The following TTC38 variants were observed in gnomAD, a reference collection of about 807,000 sequenced individuals.
The protein encoded by TTC38 is tetratricopeptide repeat protein 38.
In TTC38, 64 loss-of-function variants were observed where a neutral mutation model predicts 64.2. The observed-to-expected ratio is 1.00, with a 90% CI of 0.81 to 1.23. TTC38 has a LOEUF of 1.23. Ranked by LOEUF, TTC38 falls within the 50% of genes most tolerant of loss-of-function variation. The probability of loss-of-function intolerance (pLI) is 0.00; values close to 1 mark genes in which losing one functional copy is unlikely to be tolerated. For synonymous variants in TTC38, 254 were observed against 249.3 expected (o/e 1.02, Z -0.18); for missense variants, 573 against 615.5 (o/e 0.93, Z 0.73).
chr22:46,292,782 T>C lies in TTC38; in HGVS notation c.1317-9T>C. On this transcript the variant is annotated splice_polypyrimidine_tract_variant and intron_variant, in intron 13 of 13. Transcript: ENST00000381031. The surrounding 1 kb of genome is among the most constrained non-coding windows in gnomAD (Gnocchi z 6.5). ...TTCTGTAACAGGACCTCTGTGTCTG[T>C]TTCCACAGGAGCCTTCTGATGGAGC... The C allele has an allele frequency of 6.2e-7, 1 of 1,612,780 alleles. No homozygotes were observed. The highest frequency in any genetic ancestry group is 1.1e-5 in the South Asian group (1 of 91,056).
Position 46,285,189 on chromosome 22 carries a change from C to A in TTC38, c.796-52C>A, listed in dbSNP as rs2077562724. ...TGGCCGTTCTCAGTTCACGTGCCAGCATTACACTTTGCCTTCTCCAGGGTT... is the reference window on the plus strand; with the variant it reads ...TGGCCGTTCTCAGTTCACGTGCCAGAATTACACTTTGCCTTCTCCAGGGTT... On this transcript the variant is annotated intron_variant, in intron 8 of 13. Transcript: ENST00000381031. 5 of 1,556,768 alleles carry A rather than the reference C, an allele frequency of 3.2e-6. No individual in the cohort carries two copies. In the Admixed American group the frequency reaches 5.0e-5, roughly 16 times the overall value.
intron 6 of TTC38, among the ~76,000 whole-genome samples, chr22:46,278,968 A>G (rs374018969): frequency 2.0e-5 from 3 of 152,312 alleles, no homozygotes; most frequent in East Asian, 3.9e-4. Flanking sequence ...GTTGCACAGA[A>G]TGGCAGGTCT....
At chr22:46,287,008 G>A (rs2077575993) in intron 9 of TTC38, 65 bp from the exon 10 acceptor site, 2 of 1,343,038 alleles carry the variant, frequency 1.5e-6, no homozygotes, top group Non-Finnish European at 2.1e-6. Context: ...GCTGACCCTG[G>A]CTGTGCCTGC....
Position 46,274,165 on chromosome 22 carries a change from G to T in TTC38, c.365+96G>T. Reference sequence around the variant, plus strand: ...CCTGATGCCCTTGGGACGGGGGCGGGGTGGGAGAATGCTTCTCTCCCTGCC... The same window carrying T: ...CCTGATGCCCTTGGGACGGGGGCGGTGTGGGAGAATGCTTCTCTCCCTGCC... On this transcript the variant is annotated intron_variant, in intron 4 of 13. Transcript: ENST00000381031. This position sits in a 1 kb window ranked among gnomAD's most constrained non-coding sequence, Gnocchi z 4.8. 2 of 888,080 alleles carry T rather than the reference G, an allele frequency of 2.3e-6. No homozygotes were observed. Among genetic ancestry groups the T allele is most frequent in the South Asian group, 3.1e-5 (2 of 64,848 alleles). The allele number at this position is 888,080 out of a possible 1,614,324, so 55.0% of individuals were successfully genotyped here.
Position 46,271,386 on chromosome 22 carries a change from G to C in TTC38, c.112-949G>C, listed in dbSNP as rs1374359652. 6.6e-6 allele frequency among the ~76,000 whole-genome samples: 1 copy of C among 151,970 alleles called. No homozygotes were observed. Among genetic ancestry groups the C allele is most frequent in the East Asian group, 1.9e-4 (1 of 5,160 alleles). ...CACCACCACACCCGGCTGATTTTTT[G>C]TATCTTTAGTAGAGACGGGGGTTTC... On this transcript the variant is annotated intron_variant, in intron 2 of 13. Transcript: ENST00000381031. This position sits in a 1 kb window ranked among gnomAD's most constrained non-coding sequence, Gnocchi z 5.5.
chr22:46,276,824 A>AATATATATATATTAAATATATATAT lies in TTC38; in HGVS notation c.539+1415_539+1416insTAAATATATATATATATATATATAT, dbSNP rs1555886902. On this transcript the variant is annotated intron_variant, in intron 5 of 13. Transcript: ENST00000381031. This position sits in a 1 kb window ranked among gnomAD's most constrained non-coding sequence, Gnocchi z 4.7. The stretch of plus-strand genomic sequence containing the variant: ...ATTATATATTAAAATATATATATTA[A>AATATATATATATTAAATATATATAT]ATATATATATATATATAAACATATA... Among the ~76,000 whole-genome samples, 141 of 139,514 alleles carry AATATATATATATTAAATATATATAT rather than the reference A, an allele frequency of 1.0e-3. No homozygotes were observed. The highest frequency in any genetic ancestry group is 3.6e-3 in the African/African-American group (130 of 36,150). 91.5% of individuals were successfully genotyped at this position (139,514 alleles called of 152,430 possible).
At position 46,268,089 on chromosome 22, in the gene TTC38, C is replaced by A. The variant is rs990969464; in HGVS notation, c.33+17C>A. The A allele has an allele frequency of 1.3e-6, 2 of 1,538,420 alleles. No individual in the cohort carries two copies. The highest frequency in any genetic ancestry group is 2.8e-5 in the African/African-American group (2 of 71,806). ...GACTGCCAGGTACACGGAGGCTGCC[C>A]CCAACCAGGTCCCCCTCGGGCCCCG... On this transcript the variant is annotated intron_variant, in intron 1 of 13. Coordinates refer to ENST00000381031, the MANE Select transcript of TTC38 (RefSeq NM_017931.4).
chr22:46,290,895 C>T (rs6007795), intron 13 of TTC38, among the ~76,000 whole-genome samples: 2 of 152,032 alleles, frequency 1.3e-5, no homozygotes, highest in Non-Finnish European at 2.9e-5. Context: ...ATGTCCCTGC[C>T]ACCCTCAGAC....
chr22:46,280,803 G>C (rs1745340651), intron 6 of TTC38, among the ~76,000 whole-genome samples: 1 of 152,240 alleles, frequency 6.6e-6, no homozygotes, highest in Admixed American at 6.5e-5. Context: ...AGGCAGTGGG[G>C]CTGGCGGGAA....
At position 46,276,803 on chromosome 22, in the gene TTC38, T is replaced by C. The variant is rs1268938511; in HGVS notation, c.539+1382T>C. On this transcript the variant is annotated intron_variant, in intron 5 of 13. Transcript: ENST00000381031. The surrounding 1 kb of genome is among the most constrained non-coding windows in gnomAD (Gnocchi z 4.7). ...ATATTAAAATATATATTAAAAATTA[T>C]ATATTAAAATATATATATTAAATAT... Among the ~76,000 whole-genome samples, 2 of 140,270 alleles carry C rather than the reference T, an allele frequency of 1.4e-5. No individual in the cohort carries two copies. Among genetic ancestry groups the C allele is most frequent in the African/African-American group, 5.6e-5 (2 of 35,942 alleles). The allele number at this position is 140,270 out of a possible 152,430, so 92.0% of individuals were successfully genotyped here. A position where few individuals can be genotyped will look rare whatever the true frequency, so the allele number is the denominator to read the frequency against.
At position 46,274,679 on chromosome 22, in the gene TTC38, TC is replaced by T. The variant is rs1936969277; in HGVS notation, c.366-567del. ...AGGTGTGGGTTCCACCTCAGAGACT[TC>T]CTGTGGCTGTCTCACGGTCTCCACT... On this transcript the variant is annotated intron_variant, in intron 4 of 13. Transcript: ENST00000381031. This position sits in a 1 kb window ranked among gnomAD's most constrained non-coding sequence, Gnocchi z 4.8. Among the ~76,000 whole-genome samples, 1 of 151,900 alleles carries T rather than the reference TC, an allele frequency of 6.6e-6. No homozygotes were observed. The highest frequency in any genetic ancestry group is 1.5e-5 in the Non-Finnish European group (1 of 68,016).
intron 2 of TTC38, chr22:46,268,980 C>T: frequency 2.9e-6 from 1 of 344,850 alleles, no homozygotes. Context: ...AGCCACCGCG[C>T]CCGGCCATGG....
In TTC38 at chr22:46,272,567, C is replaced by T; in HGVS notation, c.193+151C>T. 1 of 620,104 alleles carries T rather than the reference C, an allele frequency of 1.6e-6. No homozygotes were observed. The highest frequency in any genetic ancestry group is 2.9e-6 in the Non-Finnish European group (1 of 347,552). The allele number at this position is 620,104 out of a possible 1,614,324, so 38.4% of individuals were successfully genotyped here. ...TGCACAGAGGGAGAGAAGATGACAG[C>T]TGCCTTTGTGTCTGGAAAAACAGTC... is the stretch of plus-strand genomic sequence containing the variant. On this transcript the variant is annotated intron_variant, in intron 3 of 13. Coordinates refer to ENST00000381031, the MANE Select transcript of TTC38 (RefSeq NM_017931.4). The surrounding 1 kb of genome is among the most constrained non-coding windows in gnomAD (Gnocchi z 6.4).
In TTC38 at chr22:46,280,113, C is replaced by G. The variant is rs79718762; in HGVS notation, c.615+1452C>G. ...AACACCAGCACCCCACAGACAACTA[C>G]TGGGCAGGAAAAGCAGGCTGTGATG... On this transcript the variant is annotated intron_variant, in intron 6 of 13. Transcript: ENST00000381031. The G allele has an allele frequency of 4.0e-3, 1,878 of 471,186 alleles. 34 individuals carry two copies. Among genetic ancestry groups the G allele is most frequent in the African/African-American group, 0.034 (1,717 of 50,202 alleles). The allele number at this position is 471,186 out of a possible 1,614,324, so 29.2% of individuals were successfully genotyped here.
rs1410879843 is a variant in TTC38 at position 46,291,598 on chromosome 22, C to G, written c.1317-1193C>G. 1.3e-5 allele frequency among the ~76,000 whole-genome samples: 2 copies of G among 152,204 alleles called. No homozygotes were observed. Among genetic ancestry groups the G allele is most frequent in the Non-Finnish European group, 1.5e-5 (1 of 68,048 alleles). Reference sequence around the variant, plus strand: ...AGCCCCTTCACACCACCCACGCCCTCTAGAACCACTGTTTTCAGGTGTTTG... The same window carrying G: ...AGCCCCTTCACACCACCCACGCCCTGTAGAACCACTGTTTTCAGGTGTTTG... On this transcript the variant is annotated intron_variant, in intron 13 of 13. Transcript: ENST00000381031. The surrounding 1 kb of genome is among the most constrained non-coding windows in gnomAD (Gnocchi z 4.6).
intron 12 of TTC38, 89 bp from the exon 13 acceptor site, chr22:46,289,737 C>T: frequency 1.3e-6 from 2 of 1,508,584 alleles, no homozygotes; most frequent in South Asian, 1.1e-5. Flanking sequence ...ACCACTGTCT[C>T]CCTGGAGAGC....
At chr22:46,287,606 C>T (rs2077581192) in intron 10 of TTC38, among the ~76,000 whole-genome samples, 1 of 152,252 alleles carries the variant, frequency 6.6e-6, no homozygotes, top group Non-Finnish European at 1.5e-5. Context: ...GGACCAACCA[C>T]AGCTCTGGGG....
At chr22:46,280,050 C>A (rs961229723) in intron 6 of TTC38, 2 of 461,516 alleles carry the variant, frequency 4.3e-6, no homozygotes, top group Admixed American at 2.4e-5. Flanking sequence ...CCTTTCGCCT[C>A]CTGTCCCTTG....
chr22:46,273,776 C>G lies in TTC38; in HGVS notation c.194-122C>G. 5.4e-6 allele frequency: 5 copies of G among 929,220 alleles called. No individual in the cohort carries two copies. Among genetic ancestry groups the G allele is most frequent in the South Asian group, 1.6e-5 (1 of 61,406 alleles). 57.6% of individuals were successfully genotyped at this position (929,220 alleles called of 1,614,324 possible). A position where few individuals can be genotyped will look rare whatever the true frequency, so the allele number is the denominator to read the frequency against. Reference sequence around the variant, plus strand: ...CAGTAGGCAGGGCCACAGTGCCCAGCCTGCTGCTGCCTGGCTGGCCCCTCC... The same window carrying G: ...CAGTAGGCAGGGCCACAGTGCCCAGGCTGCTGCTGCCTGGCTGGCCCCTCC... On this transcript the variant is annotated intron_variant, in intron 3 of 13. Coordinates refer to ENST00000381031, the MANE Select transcript of TTC38 (RefSeq NM_017931.4). The surrounding 1 kb of genome is among the most constrained non-coding windows in gnomAD (Gnocchi z 5.1).
Sources: allele counts gnomAD v4.1 joint callset (sites outside exome capture counted in the v4.1 genomes callset), GRCh38; gene constraint gnomAD v4.1.1; non-coding constraint Gnocchi (gnomAD v3.1); transcripts MANE v1.5; gene names NCBI Gene and HGNC (gene_info 2026-07-23, HGNC 2026-07-21).